Variants in EHBP1 observed in about 807,000 individuals in gnomAD.
EHBP1 encodes the protein EH domain-binding protein 1.
EHBP1 carries 55 observed loss-of-function variants against 144.0 expected under a neutral mutation model. The observed-to-expected ratio is 0.38, with a 90% CI of 0.31 to 0.48. The LOEUF (loss-of-function observed/expected upper bound fraction) is 0.48, where lower values mean the gene tolerates loss of function less well. EHBP1 is among the 20% of genes least tolerant of loss of function. EHBP1 has a pLI of 0.98. For synonymous variants in EHBP1, 469 were observed against 472.7 expected (o/e 0.99, Z 0.10); for missense variants, 1,200 against 1,364.2 (o/e 0.88, Z 1.90).
At chr2:62,843,361 A>T (rs1414719896) in intron 7 of EHBP1, among the ~76,000 whole-genome samples, 1 of 152,054 alleles carries the variant, frequency 6.6e-6, no homozygotes, top group South Asian at 2.1e-4. Context: ...TATGGAAGGA[A>T]TATGTTCTGG....
intron 10 of EHBP1, among the ~76,000 whole-genome samples, chr2:62,900,594 C>T (rs375506055): frequency 6.6e-6 from 1 of 151,100 alleles, no homozygotes; most frequent in Non-Finnish European, 1.5e-5. Flanking sequence ...GCATTCCAGC[C>T]TGGGAGGCAG....
intron 5 of EHBP1, among the ~76,000 whole-genome samples, chr2:62,788,359 C>A (rs984063930): frequency 6.6e-6 from 1 of 150,924 alleles, no homozygotes; most frequent in African/African-American, 2.4e-5. Flanking sequence ...CCCTTAAAAC[C>A]AAATTCTTCC....
chr2:62,702,085 T>A (rs1157902582), upstream of EHBP1, among the ~76,000 whole-genome samples: 3 of 152,180 alleles, frequency 2.0e-5, no homozygotes, highest in African/African-American at 7.2e-5. Flanking sequence ...GTCTTGAATC[T>A]CCATTTGGGG....
At chr2:62,953,680 A>G (rs2057530482) in intron 13 of EHBP1, among the ~76,000 whole-genome samples, 1 of 152,172 alleles carries the variant, frequency 6.6e-6, no homozygotes, top group Non-Finnish European at 1.5e-5. Context: ...TCTGGGTACC[A>G]GGACTACTAC....
intron 6 of EHBP1, among the ~76,000 whole-genome samples, chr2:62,829,708 TA>T (rs1340516749): frequency 6.8e-6 from 1 of 146,884 alleles, no homozygotes; most frequent in African/African-American, 2.5e-5. Context: ...TATATAATAA[TA>T]TATAAATACG....
intron 10 of EHBP1, among the ~76,000 whole-genome samples, chr2:62,897,998 C>T (rs866269547): frequency 1.3e-5 from 2 of 152,026 alleles, no homozygotes; most frequent in South Asian, 2.1e-4. Context: ...TCTAAAGGCC[C>T]TGAGGCTAGA....
intron 15 of EHBP1, among the ~76,000 whole-genome samples, chr2:62,983,027 C>T (rs2059036019): frequency 6.6e-6 from 1 of 152,134 alleles, no homozygotes; most frequent in East Asian, 1.9e-4. Context: ...GCAGCCATAG[C>T]CTAGCTTTCA....
chr2:62,979,502 CTG>C (rs1235627057), intron 15 of EHBP1, among the ~76,000 whole-genome samples, 167 bp downstream of exon 15: 17 of 152,210 alleles, frequency 1.1e-4, no homozygotes, highest in African/African-American at 4.1e-4. Flanking sequence ...TAGAAGATAA[CTG>C]TTGCTGCTTT....
chr2:63,023,021 A>G (rs890191132), intron 19 of EHBP1, among the ~76,000 whole-genome samples: 1 of 152,118 alleles, frequency 6.6e-6, no homozygotes, highest in Admixed American at 6.5e-5. Flanking sequence ...TAAATATTCA[A>G]TAATTAGCTG....
intron 9 of EHBP1, among the ~76,000 whole-genome samples, chr2:62,867,154 T>C (rs922446725): frequency 6.6e-6 from 1 of 152,136 alleles, no homozygotes; most frequent in African/African-American, 2.4e-5. Flanking sequence ...ATCTCTCTGG[T>C]AGATAATTGT....
At chr2:63,010,560 T>C (rs915965657) in intron 19 of EHBP1, among the ~76,000 whole-genome samples, 3 of 151,674 alleles carry the variant, frequency 2.0e-5, no homozygotes, top group African/African-American at 7.2e-5. Context: ...CCTTTTGTAA[T>C]TTAGACTCTA....
At position 62,948,279 on chromosome 2, in the gene EHBP1, G is replaced by A. The variant is rs1271000400; in HGVS notation, c.1433G>A (p.Ser478Asn). 1 of 1,576,272 alleles carries A rather than the reference G, an allele frequency of 6.3e-7. No individual in the cohort carries two copies. ...NNKKAYDGFA[S>N]IGISRLLEPS... is the part of the protein sequence containing the mutation. The stretch of plus-strand genomic sequence containing the variant: ...TTGAAGGCATACGATGGATTTGCCA[G>A]CATAGGAATTTCCCGATTATTGGAA... The change falls in exon 13 of 23, where the codon AGC (serine) becomes AAC (asparagine). Residue 478 changes from serine (S) to asparagine (N), a missense_variant. By Grantham distance (46) the Ser-to-Asn change is conservative. This residue lies in a region of EHBP1 where 94 missense variants were observed against 143.0 expected (regional missense o/e 0.66). Coordinates refer to ENST00000431489, the MANE Select transcript of EHBP1 (RefSeq NM_001142616.3).
At chr2:63,019,864 G>GAAGGAA (rs2060644565) in intron 19 of EHBP1, among the ~76,000 whole-genome samples, 1 of 145,060 alleles carries the variant, frequency 6.9e-6, no homozygotes, top group Non-Finnish European at 1.5e-5. Flanking sequence ...AGGAAGGAAG[G>GAAGGAA]AAGGAAGGAA....
At chr2:62,841,971 C>T (rs192159619) in intron 7 of EHBP1, among the ~76,000 whole-genome samples, 3 of 152,032 alleles carry the variant, frequency 2.0e-5, no homozygotes, top group African/African-American at 4.8e-5. Flanking sequence ...TATGAAGGAG[C>T]CTGCATATTT....
At chr2:62,732,646 AG>A (rs949442450) in intron 2 of EHBP1, among the ~76,000 whole-genome samples, 2 of 152,318 alleles carry the variant, frequency 1.3e-5, no homozygotes, top group Non-Finnish European at 2.9e-5. Flanking sequence ...CATGAATTAA[AG>A]TTTCCTGAGG....
chr2:62,955,827 A>G, intron 14 of EHBP1, 167 bp downstream of exon 14: 1 of 615,388 alleles, frequency 1.6e-6, no homozygotes, highest in East Asian at 3.2e-5. Flanking sequence ...TTGTAGGACC[A>G]TTTGATCATT....
intron 2 of EHBP1, among the ~76,000 whole-genome samples, chr2:62,741,641 A>G (rs1051027034): frequency 1.3e-5 from 2 of 152,166 alleles, no homozygotes; most frequent in Admixed American, 6.6e-5. Flanking sequence ...GCTCAGAGAA[A>G]GTAAGAGATA....
At chr2:62,934,122 A>G (rs929997793) in intron 10 of EHBP1, among the ~76,000 whole-genome samples, 3 of 152,224 alleles carry the variant, frequency 2.0e-5, no homozygotes, top group African/African-American at 7.2e-5. Flanking sequence ...TAGGATATGC[A>G]CATTTTCAAT....
intron 2 of EHBP1, among the ~76,000 whole-genome samples, chr2:62,739,572 A>G (rs2038490037): frequency 1.3e-5 from 2 of 152,210 alleles, no homozygotes; most frequent in African/African-American, 4.8e-5. Flanking sequence ...ATGAAGTATT[A>G]TTTGAGAAGA....
Sources: gnomAD v4.1 joint callset for allele counts (sites outside exome capture counted in the v4.1 genomes callset) on GRCh38, gnomAD v4.1.1 for gene constraint, gnomAD v4.1.1 regional missense constraint, MANE v1.5 for transcripts, NCBI Gene and HGNC (gene_info 2026-07-23, HGNC 2026-07-21) for gene names.